The following CNTNAP4 variants were observed in gnomAD, a reference collection of about 807,000 sequenced individuals.
CNTNAP4 encodes the protein contactin-associated protein-like 4.
Under a neutral mutation model 148.4 loss-of-function variants are expected in CNTNAP4, and 98 were observed. That is an observed-to-expected ratio of 0.66 (90% confidence interval 0.56 to 0.78). The LOEUF is 0.78. Among genes scored for constraint, CNTNAP4 ranks in the 30% least tolerant of loss-of-function variants. The pLI, the probability that CNTNAP4 is intolerant of heterozygous loss-of-function variation, is 0.00. For synonymous variants in CNTNAP4, 730 were observed against 565.1 expected (o/e 1.29, Z -4.14); for missense variants, 1,935 against 1,565.6 (o/e 1.24, Z -3.98).
At chr16:76,333,620 C>T (rs911236846) in intron 2 of CNTNAP4, among the ~76,000 whole-genome samples, 3 of 151,966 alleles carry the variant, frequency 2.0e-5, no homozygotes, top group Admixed American at 2.0e-4. Context: ...CTATTAATTT[C>T]TCCTGTGAAT....
intron 1 of CNTNAP4, among the ~76,000 whole-genome samples, chr16:76,301,790 G>A (rs1367443370): frequency 2.0e-5 from 3 of 152,134 alleles, no homozygotes; most frequent in Admixed American, 6.6e-5. Context: ...ATGTTTATGG[G>A]TTAAGGAAGT....
intron 3 of CNTNAP4, among the ~76,000 whole-genome samples, chr16:76,393,878 CT>C (rs1433971476): frequency 6.6e-6 from 1 of 152,158 alleles, no homozygotes; most frequent in East Asian, 1.9e-4. Context: ...ACATTAGGGG[CT>C]TCAATGAATT....
intron 10 of CNTNAP4, among the ~76,000 whole-genome samples, chr16:76,473,495 A>C (rs1242623784): frequency 6.6e-6 from 1 of 152,160 alleles, no homozygotes. Context: ...CCTTTGTTTT[A>C]ATAAAGGAGA....
At chr16:76,487,242 A>G (rs1275833270) in intron 12 of CNTNAP4, among the ~76,000 whole-genome samples, 4 of 152,176 alleles carry the variant, frequency 2.6e-5, no homozygotes, top group Admixed American at 2.6e-4. Context: ...AATCTAGACA[A>G]TGTGTTGTTT....
chr16:76,482,959 T>C (rs2081890331), intron 12 of CNTNAP4, among the ~76,000 whole-genome samples: 1 of 152,126 alleles, frequency 6.6e-6, no homozygotes, highest in South Asian at 2.1e-4. Flanking sequence ...ACATAACAAA[T>C]GTGAGAGGAC....
chr16:76,325,406 G>T (rs1962869775), intron 2 of CNTNAP4, among the ~76,000 whole-genome samples: 1 of 151,930 alleles, frequency 6.6e-6, no homozygotes, highest in Non-Finnish European at 1.5e-5. Context: ...ATTTATGCTG[G>T]ACCATAAATT....
chr16:76,294,698 T>G (rs757492549), intron 1 of CNTNAP4, among the ~76,000 whole-genome samples: 1 of 152,196 alleles, frequency 6.6e-6, no homozygotes, highest in Non-Finnish European at 1.5e-5. Context: ...AACATAGTAA[T>G]TTCTGCAACT....
chr16:76,359,130 A>T (rs2013085756), intron 3 of CNTNAP4, among the ~76,000 whole-genome samples: 1 of 152,208 alleles, frequency 6.6e-6, no homozygotes, highest in Non-Finnish European at 1.5e-5. Flanking sequence ...GATGTACATC[A>T]TAAAAAAACT....
Position 76,330,566 on chromosome 16 carries a change from G to A in CNTNAP4, c.196+14043G>A, listed in dbSNP as rs1376902128. Among the ~76,000 whole-genome samples, 6 of 152,148 alleles carry A rather than the reference G, an allele frequency of 3.9e-5. No individual in the cohort carries two copies. In the East Asian group the frequency reaches 1.2e-3, roughly 29 times the overall value. On this transcript the variant is annotated intron_variant, in intron 2 of 23. Transcript: ENST00000611870. ...GAACAGATAATTTGGTAGTTTCAAA[G>A]AAAAAGGTGTAAAAATTCACAAACA...
chr16:76,362,322 A>C (rs1001919726), intron 3 of CNTNAP4, among the ~76,000 whole-genome samples: 4 of 152,196 alleles, frequency 2.6e-5, no homozygotes, highest in African/African-American at 4.8e-5. Context: ...AAATGTCTAT[A>C]CTACTCAAAG....
At chr16:76,397,945 CATATATA>C (rs2078264214) in intron 3 of CNTNAP4, among the ~76,000 whole-genome samples, 1 of 24,134 alleles carries the variant, frequency 4.1e-5, no homozygotes, top group Non-Finnish European at 6.7e-5. Context: ...AGATTATATA[CATATATA>C]TATATATATA....
Position 76,489,939 on chromosome 16 carries a change from A to G in CNTNAP4, c.2080+56A>G, listed in dbSNP as rs559478263. 1.3e-5 allele frequency: 15 copies of G among 1,189,630 alleles called. No individual in the cohort carries two copies. In the African/African-American group the frequency reaches 1.8e-4, roughly 14 times the overall value. 73.7% of individuals were successfully genotyped at this position (1,189,630 alleles called of 1,614,324 possible). A position where few individuals can be genotyped will look rare whatever the true frequency, so the allele number is the denominator to read the frequency against. ...ACACATCACATCATGCACTTACTCA[A>G]CTAGCTCCTGAGAATTTTAAGTCTG... is the stretch of plus-strand genomic sequence containing the variant. On this transcript the variant is annotated intron_variant, in intron 13 of 23. Coordinates refer to ENST00000611870, the MANE Select transcript of CNTNAP4 (RefSeq NM_033401.5).
At chr16:76,400,266 G>A (rs538442793) in intron 3 of CNTNAP4, among the ~76,000 whole-genome samples, 1 of 152,124 alleles carries the variant, frequency 6.6e-6, no homozygotes, top group African/African-American at 2.4e-5. Context: ...TATACATTGT[G>A]GAATGATGAA....
intron 5 of CNTNAP4, among the ~76,000 whole-genome samples, chr16:76,448,453 C>G (rs933770768): frequency 6.6e-6 from 1 of 151,844 alleles, no homozygotes; most frequent in Non-Finnish European, 1.5e-5. Flanking sequence ...TTTCTAACAT[C>G]ATAAAGGAAG....
At chr16:76,472,345 C>T (rs2074021423) in intron 10 of CNTNAP4, among the ~76,000 whole-genome samples, 1 of 151,922 alleles carries the variant, frequency 6.6e-6, no homozygotes, top group African/African-American at 2.4e-5. Flanking sequence ...TCTAGTCTAA[C>T]AAGAATCAAG....
chr16:76,457,156 T>A (rs968195668), intron 8 of CNTNAP4, among the ~76,000 whole-genome samples: 1 of 152,232 alleles, frequency 6.6e-6, no homozygotes. Context: ...TTCTCCTTCC[T>A]GTTTCACAGT....
At chr16:76,335,380 A>G (rs1005331406) in intron 2 of CNTNAP4, among the ~76,000 whole-genome samples, 1 of 152,308 alleles carries the variant, frequency 6.6e-6, no homozygotes, top group Admixed American at 6.5e-5. Flanking sequence ...GAGAAAGCAG[A>G]TGACTGCACA....
intron 15 of CNTNAP4, among the ~76,000 whole-genome samples, chr16:76,499,065 ATTTTT>A (rs57402016): frequency 1.6e-3 from 196 of 122,794 alleles, no homozygotes; most frequent in African/African-American, 5.3e-3. Context: ...TTTTACCACA[ATTTTT>A]TTTTTTTTTT....
intron 1 of CNTNAP4, among the ~76,000 whole-genome samples, chr16:76,278,073 T>C (rs996655434): frequency 6.6e-6 from 1 of 152,238 alleles, no homozygotes; most frequent in Non-Finnish European, 1.5e-5. Flanking sequence ...AATATCTTCA[T>C]TTCTTCTTTT....
Sources: allele counts gnomAD v4.1 joint callset (sites outside exome capture counted in the v4.1 genomes callset), GRCh38; gene constraint gnomAD v4.1.1; transcripts MANE v1.5; gene names NCBI Gene and HGNC (gene_info 2026-07-23, HGNC 2026-07-21).